The following SLC24A1 variants were observed in gnomAD, a reference collection of about 807,000 sequenced individuals.
SLC24A1 encodes sodium/potassium/calcium exchanger 1.
Under a neutral mutation model 88.1 loss-of-function variants are expected in SLC24A1, and 52 were observed. The observed-to-expected ratio is 0.59, with a 90% CI of 0.47 to 0.74. The LOEUF (loss-of-function observed/expected upper bound fraction) is 0.74. Among genes scored for constraint, SLC24A1 ranks in the 30% least tolerant of loss-of-function variants. The pLI is 0.00. For missense variants in SLC24A1, 1,173 were observed against 1,363.3 expected, an observed-to-expected ratio of 0.86 and a Z score of 2.20; for synonymous variants, 455 against 498.0, an observed-to-expected ratio of 0.91 and a Z score of 1.15.
At position 65,654,431 on chromosome 15, in the gene SLC24A1, T is replaced by C; in HGVS notation, c.*352T>C. ...GCAGCTATAAGACAAGCTCCTACGC[T>C]CACTGTTCCCTGATCATTCCAAAGG... On this transcript the variant is annotated 3_prime_UTR_variant, in exon 10 of 10. Transcript: ENST00000261892. 1 of 1,164,420 alleles carries C rather than the reference T, an allele frequency of 8.6e-7. No individual in the cohort carries two copies. Among genetic ancestry groups the C allele is most frequent in the Non-Finnish European group, 1.1e-6 (1 of 937,008 alleles). 72.1% of individuals were successfully genotyped at this position (1,164,420 alleles called of 1,614,324 possible). A position where few individuals can be genotyped will look rare whatever the true frequency, so the allele number is the denominator to read the frequency against.
upstream of SLC24A1, among the ~76,000 whole-genome samples, chr15:65,618,412 A>T (rs2074218654): frequency 6.6e-6 from 1 of 152,174 alleles, no homozygotes; most frequent in South Asian, 2.1e-4. Context: ...TATTGTAAAG[A>T]TGTGCCATTA....
intron 2 of SLC24A1, among the ~76,000 whole-genome samples, chr15:65,629,673 G>GC (rs1351493580): frequency 1.3e-5 from 2 of 152,228 alleles, no homozygotes; most frequent in Non-Finnish European, 2.9e-5. Flanking sequence ...AGACAGCAAA[G>GC]CAGAGGCGCT....
intron 6 of SLC24A1, among the ~76,000 whole-genome samples, chr15:65,648,488 T>C (rs948921263): frequency 1.4e-5 from 2 of 140,564 alleles, no homozygotes; most frequent in Non-Finnish European, 3.1e-5. Flanking sequence ...ATTTTATCTC[T>C]TTTTTTTTTT....
rs2141465579 is a variant in SLC24A1, at chr15:65,625,045, A to C, written c.965A>C (p.Gln322Pro). 6.2e-7 allele frequency: 1 copy of C among 1,613,776 alleles called. No homozygotes were observed. The highest frequency in any genetic ancestry group is 8.5e-7 in the Non-Finnish European group (1 of 1,179,810). Residue 322 changes from glutamine (Q) to proline (P), a missense_variant, in exon 2 of 10, where the codon CAG becomes CCG. Physicochemically the swap from Gln to Pro is moderately conservative, Grantham distance 76 (BLOSUM62 -1). Coordinates refer to ENST00000261892, the MANE Select transcript of SLC24A1 (RefSeq NM_004727.3). ...LLHTPATSEG[Q>P]VTISTMTGSS... is the part of the protein sequence containing the mutation. ...CATACCCCAGCCACCTCTGAGGGGC[A>C]GGTGACAATAAGCACCATGACAGGC...
chr15:65,644,301 C>T (rs1031887361), intron 4 of SLC24A1, 126 bp from the exon 5 acceptor site: 67 of 719,196 alleles, frequency 9.3e-5, no homozygotes, highest in Non-Finnish European at 6.9e-5. Flanking sequence ...TCACAACCCC[C>T]ATGGCAGCCT....
At chr15:65,645,175 C>T (rs2075262912) in intron 5 of SLC24A1, among the ~76,000 whole-genome samples, 1 of 152,208 alleles carries the variant, frequency 6.6e-6, no homozygotes, top group Non-Finnish European at 1.5e-5. Context: ...AGAACCTGTA[C>T]CTAAACCTAG....
At chr15:65,651,797 G>T (rs749741258) in intron 8 of SLC24A1, 38 bp downstream of exon 8, 2 of 1,057,108 alleles carry the variant, frequency 1.9e-6, no homozygotes, top group Non-Finnish European at 3.0e-6. Flanking sequence ...CTACCAGCAG[G>T]TCCCAACGAC....
In SLC24A1 at chr15:65,651,724, A is replaced by C; in HGVS notation, c.2848A>C (p.Met950Leu). ...TFLGSIMWIA[M>L]FSYLMVWWAH... The stretch of plus-strand genomic sequence containing the variant: ...CCTGGGATCTATCATGTGGATAGCC[A>C]TGTTCTCATACCTCATGGTGTGGTG... Residue 950 changes from methionine (M) to leucine (L), a missense_variant, in exon 8 of 10, where the codon ATG becomes CTG. Transcript: ENST00000261892. The C allele has an allele frequency of 6.2e-7, 1 of 1,610,124 alleles. No individual in the cohort carries two copies. The highest frequency in any genetic ancestry group is 1.1e-5 in the South Asian group (1 of 90,890).
At chr15:65,630,706 C>A (rs781250331) in intron 2 of SLC24A1, among the ~76,000 whole-genome samples, 21 of 152,196 alleles carry the variant, frequency 1.4e-4, no homozygotes, top group Non-Finnish European at 2.4e-4. Context: ...TGCGGTGGCT[C>A]ACGCCTGTAA....
upstream of SLC24A1, among the ~76,000 whole-genome samples, chr15:65,619,800 C>T (rs8023536): frequency 0.2 from 30,282 of 152,054 alleles, 3,304 homozygotes; most frequent in African/African-American, 0.28. Flanking sequence ...GCCTTCCTCA[C>T]CCCCTTATCT....
rs754357494 is a variant in SLC24A1, at chr15:65,624,541, A to G, written c.461A>G (p.Tyr154Cys). The G allele has an allele frequency of 1.2e-6, 2 of 1,601,590 alleles. No homozygotes were observed. Among genetic ancestry groups the G allele is most frequent in the Non-Finnish European group, 1.7e-6 (2 of 1,173,732 alleles). Reference sequence around the variant, plus strand: ...ACATCCAGTAGAACACTGACTTACTACACCTCAACTTCAAGCAGACAAATA... The same window carrying G: ...ACATCCAGTAGAACACTGACTTACTGCACCTCAACTTCAAGCAGACAAATA... ...TPTSSRTLTY[Y>C]TSTSSRQIVK... is the part of the protein sequence containing the mutation. The change falls in exon 2 of 10, where the codon TAC (tyrosine) becomes TGC (cysteine). Residue 154 changes from tyrosine (Y) to cysteine (C), a missense_variant. Physicochemically the swap from Tyr to Cys is radical, Grantham distance 194 (BLOSUM62 -2). Coordinates refer to ENST00000261892, the MANE Select transcript of SLC24A1 (RefSeq NM_004727.3).
At chr15:65,657,447 C>G (rs565650991), downstream of SLC24A1, among the ~76,000 whole-genome samples, 8 of 151,976 alleles carry the variant, frequency 5.3e-5, no homozygotes, top group East Asian at 3.9e-4. Flanking sequence ...CGAGACCATC[C>G]TGGCTAACAC....
intron 2 of SLC24A1, among the ~76,000 whole-genome samples, chr15:65,636,371 G>T (rs567292167): frequency 3.9e-5 from 6 of 152,242 alleles, no homozygotes; most frequent in African/African-American, 1.4e-4. Context: ...AGTCACTTGG[G>T]CACAGTTTGA....
At chr15:65,644,245 G>A in intron 4 of SLC24A1, 182 bp from the exon 5 acceptor site, 1 of 627,218 alleles carries the variant, frequency 1.6e-6, no homozygotes, top group Non-Finnish European at 2.9e-6. Flanking sequence ...CAGAACTTTG[G>A]GAATTAGGCA....
In SLC24A1 at chr15:65,624,051, G is replaced by T; in HGVS notation, c.-30G>T. 1 of 1,518,420 alleles carries T rather than the reference G, an allele frequency of 6.6e-7. No homozygotes were observed. Among genetic ancestry groups the T allele is most frequent in the Non-Finnish European group, 8.9e-7 (1 of 1,129,828 alleles). The allele number at this position is 1,518,420 out of a possible 1,614,324, so 94.1% of individuals were successfully genotyped here. A position where few individuals can be genotyped will look rare whatever the true frequency, so the allele number is the denominator to read the frequency against. The stretch of plus-strand genomic sequence containing the variant: ...CCTCCATCTTAGGACAGAATGAGAG[G>T]CCTTCTGTAACCAGATATAACTGGC... On this transcript the variant is annotated 5_prime_UTR_variant, in exon 2 of 10. Transcript: ENST00000261892.
At position 65,652,733 on chromosome 15, in the gene SLC24A1, T is replaced by C. The variant is rs569544271; in HGVS notation, c.2975T>C (p.Ile992Thr). ...TSIPDLITSV[I>T]VARKGLGDMA... ...ATTCCTGACCTCATCACCAGTGTGA[T>C]TGTCGCTCGAAAAGGCCTGGGAGAC... Residue 992 changes from isoleucine to threonine, a missense_variant, in exon 9 of 10, where the codon ATT becomes ACT. Physicochemically the swap from Ile to Thr is moderately conservative, Grantham distance 89. Transcript: ENST00000261892. The C allele has an allele frequency of 4.0e-5, 65 of 1,613,788 alleles. No individual in the cohort carries two copies. Among genetic ancestry groups the C allele is most frequent in the Middle Eastern group, 1.6e-4 (1 of 6,084 alleles).
Position 65,625,393 on chromosome 15 carries a change from G to C in SLC24A1, c.1313G>C (p.Gly438Ala), listed in dbSNP as rs752242320. 6.8e-6 allele frequency: 11 copies of C among 1,614,068 alleles called. No individual in the cohort carries two copies. The highest frequency in any genetic ancestry group is 9.3e-6 in the Non-Finnish European group (11 of 1,179,906). Residue 438 changes from glycine (G) to alanine (A), a missense_variant, in exon 2 of 10, where the codon GGA becomes GCA. By Grantham distance (60) the Gly-to-Ala change is moderately conservative (BLOSUM62 0). Coordinates refer to ENST00000261892, the MANE Select transcript of SLC24A1 (RefSeq NM_004727.3). Reference sequence around the variant, plus strand: ...AGCTTGCCAGACCTCCACCCCAAGGGAGAGTACCCCCCAGATCTGTTCAGT... The same window carrying C: ...AGCTTGCCAGACCTCCACCCCAAGGCAGAGTACCCCCCAGATCTGTTCAGT... ...PPSLPDLHPKGEYPPDLFSVE... is the reference protein window; with the variant it reads ...PPSLPDLHPKAEYPPDLFSVE...
At position 65,655,591 on chromosome 15, in the gene SLC24A1, A is replaced by G; in HGVS notation, c.*1512A>G. 1 of 985,458 alleles carries G rather than the reference A, an allele frequency of 1.0e-6. No homozygotes were observed. Among genetic ancestry groups the G allele is most frequent in the Non-Finnish European group, 1.2e-6 (1 of 829,922 alleles). 61.0% of individuals were successfully genotyped at this position (985,458 alleles called of 1,614,324 possible). Reference sequence around the variant, plus strand: ...AGAACAGCTTAATATCACTGGCTTCAGAGCAAAATGAGCTCGGGTGACTGC... The same window carrying G: ...AGAACAGCTTAATATCACTGGCTTCGGAGCAAAATGAGCTCGGGTGACTGC... On this transcript the variant is annotated 3_prime_UTR_variant, in exon 10 of 10. Transcript: ENST00000261892.
upstream of SLC24A1, chr15:65,611,402 T>C: frequency 3.4e-6 from 2 of 585,544 alleles, no homozygotes; most frequent in East Asian, 2.8e-5. Flanking sequence ...CGTGTCTCTC[T>C]GCATTGCCCT....
Sources: gnomAD v4.1 joint callset for allele counts (sites outside exome capture counted in the v4.1 genomes callset) on GRCh38, gnomAD v4.1.1 for gene constraint, MANE v1.5 for transcripts, NCBI Gene and HGNC (gene_info 2026-07-23, HGNC 2026-07-21) for gene names.